Variants in UGT1A7 observed in about 807,000 individuals in gnomAD.
The protein encoded by UGT1A7 is UDP glucuronosyltransferase family 1 member A7, also known as UDP-glucuronosyltransferase 1A7.
Under a neutral mutation model 45.6 loss-of-function variants are expected in UGT1A7, and 33 were observed. The observed-to-expected ratio is 0.72, with a 90% CI of 0.55 to 0.97. The LOEUF is 0.97. Among genes scored for constraint, UGT1A7 ranks in the 50% least tolerant of loss-of-function variants. The probability of loss-of-function intolerance (pLI) is 0.00; values close to 1 mark genes in which losing one functional copy is unlikely to be tolerated. For missense variants in UGT1A7, 684 were observed against 666.2 expected, an observed-to-expected ratio of 1.03 and a Z score of -0.29; for synonymous variants, 274 against 250.6, an observed-to-expected ratio of 1.09 and a Z score of -0.88.
At chr2:233,690,893 G>T (rs2075019980) in intron 1 of UGT1A7, 20 of 1,043,820 alleles carry the variant, frequency 1.9e-5, no homozygotes, top group Middle Eastern at 4.5e-4. Flanking sequence ...TCAAGGGATG[G>T]TATGCATAGT....
At chr2:233,755,420 G>A (rs187061066) in intron 1 of UGT1A7, 126 of 320,310 alleles carry the variant, frequency 3.9e-4, no homozygotes, top group African/African-American at 1.9e-3. Context: ...GCCTGTGAGC[G>A]CCTCGCATCC....
At chr2:233,743,984 C>A in intron 1 of UGT1A7, 1 of 1,291,724 alleles carries the variant, frequency 7.7e-7, no homozygotes, top group South Asian at 1.3e-5. Context: ...CACCCAGGCG[C>A]AGGCCCGAGT....
intron 1 of UGT1A7, among the ~76,000 whole-genome samples, chr2:233,754,048 T>C (rs1329917116): frequency 6.6e-6 from 1 of 152,254 alleles, no homozygotes; most frequent in Non-Finnish European, 1.5e-5. Flanking sequence ...TTGCCAGGTT[T>C]ACCTGCTTTT....
intron 1 of UGT1A7, among the ~76,000 whole-genome samples, chr2:233,685,913 T>C (rs1035052021): frequency 6.6e-6 from 1 of 152,240 alleles, no homozygotes; most frequent in Non-Finnish European, 1.5e-5. Context: ...CAATCCATCA[T>C]TAAATTTATC....
At chr2:233,743,509 G>C (rs199947040) in intron 1 of UGT1A7, 86 of 1,367,152 alleles carry the variant, frequency 6.3e-5, no homozygotes, top group East Asian at 2.3e-4. Context: ...GGGTGCAGAC[G>C]CTCTGCTTCT....
At chr2:233,733,672 G>A (rs1353617171) in intron 1 of UGT1A7, among the ~76,000 whole-genome samples, 2 of 152,204 alleles carry the variant, frequency 1.3e-5, no homozygotes, top group African/African-American at 4.8e-5. Flanking sequence ...GATCGATGTG[G>A]ATAAACTTTT....
intron 1 of UGT1A7, among the ~76,000 whole-genome samples, chr2:233,764,468 T>G (rs553812675): frequency 1.3e-5 from 2 of 152,324 alleles, no homozygotes; most frequent in Middle Eastern, 6.8e-3. Context: ...GATCTCCTGC[T>G]ATTTAACTTC....
chr2:233,769,877 A>C lies in UGT1A7; in HGVS notation c.1295+1438A>C, dbSNP rs890697630. 4.7e-6 allele frequency: 2 copies of C among 421,450 alleles called. No homozygotes were observed. The highest frequency in any genetic ancestry group is 2.0e-5 in the African/African-American group (1 of 48,974). 26.1% of individuals were successfully genotyped at this position (421,450 alleles called of 1,614,324 possible). A position where few individuals can be genotyped will look rare whatever the true frequency, so the allele number is the denominator to read the frequency against. ...TGTCTCAAAAAAAAAAAAAAAAATG[A>C]AAAGTCCACATAACCTGAGCATCAT... is the stretch of plus-strand genomic sequence containing the variant. On this transcript the variant is annotated intron_variant, in intron 4 of 4. Transcript: ENST00000373426. This position sits in a 1 kb window ranked among gnomAD's most constrained non-coding sequence, Gnocchi z 4.4.
intron 1 of UGT1A7, among the ~76,000 whole-genome samples, chr2:233,737,049 A>G (rs2078837950): frequency 1.3e-5 from 2 of 152,210 alleles, no homozygotes; most frequent in Admixed American, 6.5e-5. Context: ...ATGCCATACT[A>G]GGAGAACGAG....
intron 1 of UGT1A7, chr2:233,754,496 G>T: frequency 2.8e-6 from 1 of 356,968 alleles, no homozygotes; most frequent in South Asian, 2.1e-5. Flanking sequence ...CCTAAAAAAA[G>T]TCCGCTATTC....
In UGT1A7 at chr2:233,769,405, G is replaced by A. The variant is rs932646645; in HGVS notation, c.1295+966G>A. On this transcript the variant is annotated intron_variant, in intron 4 of 4. Coordinates refer to ENST00000373426, the MANE Select transcript of UGT1A7 (RefSeq NM_019077.3). This position sits in a 1 kb window ranked among gnomAD's most constrained non-coding sequence, Gnocchi z 4.4. ...CAATAGATACTGTGTGCATATGTGC[G>A]TGTGCGTTTGTGCATGTGGCTGTGC... 111 of 1,239,692 alleles carry A rather than the reference G, an allele frequency of 9.0e-5. No homozygotes were observed. The South Asian group carries it at 1.2e-3, about 14-fold the overall frequency. The allele number at this position is 1,239,692 out of a possible 1,614,324, so 76.8% of individuals were successfully genotyped here.
rs1191601958 is a variant in UGT1A7, at chr2:233,739,349, G to A, written c.856-27685G>A. ...GCCACAGTCCTTCAGAACCCAGAAGGGCAGATCCAATAGCTTGCACTGTGT... is the reference window on the plus strand; with the variant it reads ...GCCACAGTCCTTCAGAACCCAGAAGAGCAGATCCAATAGCTTGCACTGTGT... On this transcript the variant is annotated intron_variant, in intron 1 of 4. Coordinates refer to ENST00000373426, the MANE Select transcript of UGT1A7 (RefSeq NM_019077.3). Among the ~76,000 whole-genome samples, 6 of 152,284 alleles carry A rather than the reference G, an allele frequency of 3.9e-5. No homozygotes were observed. In the East Asian group the frequency reaches 5.8e-4, roughly 15 times the overall value.
intron 1 of UGT1A7, chr2:233,712,843 G>C (rs556220136): frequency 1.1e-5 from 16 of 1,515,268 alleles, no homozygotes; most frequent in Admixed American, 7.8e-5. Flanking sequence ...ATAGATTAAC[G>C]GGTAATAAGT....
rs373408916 is a variant in UGT1A7, at chr2:233,682,060, G to A, written c.123G>A (p.Met41Ile). 166 of 1,614,026 alleles carry A rather than the reference G, an allele frequency of 1.0e-4. No homozygotes were observed. The highest frequency in any genetic ancestry group is 1.3e-4 in the Non-Finnish European group (156 of 1,180,024). The change falls in exon 1 of 5, where the codon ATG (methionine) becomes ATA (isoleucine). Residue 41 changes from methionine to isoleucine, a missense_variant. Met to Ile is a conservative substitution (Grantham distance 10). Coordinates refer to ENST00000373426, the MANE Select transcript of UGT1A7 (RefSeq NM_019077.3). The stretch of plus-strand genomic sequence containing the variant: ...TGGATGGGAGCCACTGGTTCACCAT[G>A]CAGTCGGTGGTGGAGAAACTCATCC... Reference protein sequence around the residue: ...VPMDGSHWFTMQSVVEKLILR... With the variant: ...VPMDGSHWFTIQSVVEKLILR...
At chr2:233,695,670 G>C (rs962399799) in intron 1 of UGT1A7, among the ~76,000 whole-genome samples, 6 of 151,946 alleles carry the variant, frequency 3.9e-5, no homozygotes, top group Non-Finnish European at 8.8e-5. Flanking sequence ...AGAACATGTG[G>C]TATTTGTCTT....
chr2:233,765,409 TGG>T (rs1441721232), intron 1 of UGT1A7, among the ~76,000 whole-genome samples: 3 of 152,208 alleles, frequency 2.0e-5, no homozygotes, highest in African/African-American at 7.2e-5. Flanking sequence ...ATATACACCA[TGG>T]AATACTATGC....
At chr2:233,702,910 T>A (rs78155632) in intron 1 of UGT1A7, among the ~76,000 whole-genome samples, 2,672 of 152,282 alleles carry the variant, frequency 0.018, 42 homozygotes, top group East Asian at 0.042. Context: ...ATATTGGAAG[T>A]CTTATTTTCT....
intron 1 of UGT1A7, among the ~76,000 whole-genome samples, chr2:233,703,210 TAA>T (rs1353895026): frequency 1.3e-5 from 2 of 152,198 alleles, no homozygotes; most frequent in African/African-American, 4.8e-5. Flanking sequence ...CAATTTTATC[TAA>T]GTTATCTAAT....
intron 1 of UGT1A7, among the ~76,000 whole-genome samples, chr2:233,738,445 C>T (rs1322346055): frequency 2.6e-5 from 4 of 152,306 alleles, no homozygotes; most frequent in Non-Finnish European, 5.9e-5. Context: ...GCTCAGAAGA[C>T]AGGAAGATGT....
Sources: allele counts gnomAD v4.1 joint callset (sites outside exome capture counted in the v4.1 genomes callset), GRCh38; gene constraint gnomAD v4.1.1; non-coding constraint Gnocchi (gnomAD v3.1); transcripts MANE v1.5; gene names NCBI Gene and HGNC (gene_info 2026-07-23, HGNC 2026-07-21).